OSBPL1A: variants seen among roughly 807,000 people sequenced by gnomAD.
The protein encoded by OSBPL1A is oxysterol binding protein like 1A, also known as oxysterol-binding protein-related protein 1.
In OSBPL1A, 80 loss-of-function variants were observed where a neutral mutation model predicts 137.1. That is an observed-to-expected ratio of 0.58 (90% CI 0.49 to 0.70). OSBPL1A has a LOEUF of 0.70. OSBPL1A is among the 30% of genes least tolerant of loss of function. The pLI is 0.00. For synonymous variants in OSBPL1A, 365 were observed against 389.7 expected (o/e 0.94, Z 0.75); for missense variants, 970 against 1,129.4 (o/e 0.86, Z 2.02).
chr18:24,217,732 T>G lies in OSBPL1A; in HGVS notation c.1601+7310A>C, dbSNP rs536014477. Among the ~76,000 whole-genome samples, 6 of 152,294 alleles carry G rather than the reference T, an allele frequency of 3.9e-5. 1 individual carries two copies. Among genetic ancestry groups the G allele is most frequent in the African/African-American group, 7.2e-5 (3 of 41,562 alleles). On this transcript the variant is annotated intron_variant, in intron 17 of 27. Coordinates refer to ENST00000319481, the MANE Select transcript of OSBPL1A (RefSeq NM_080597.4). Reference sequence around the variant, plus strand: ...ATGGATGTGTCAGATTGTCAATGACTAAACCCAAGAATCAATCTCACCATT... The same window carrying G: ...ATGGATGTGTCAGATTGTCAATGACGAAACCCAAGAATCAATCTCACCATT...
At chr18:24,189,373 C>G (rs1479128029) in intron 18 of OSBPL1A, among the ~76,000 whole-genome samples, 2 of 152,206 alleles carry the variant, frequency 1.3e-5, no homozygotes, top group African/African-American at 4.8e-5. Context: ...TGTGTCTGCT[C>G]TGTTGCCCAG....
chr18:24,318,766 G>A lies in OSBPL1A; in HGVS notation c.669C>T (p.His223=), dbSNP rs368886930. ...LDLAQGAEMK[H]ILVGNKVIYK... is the part of the protein sequence containing the mutation. ...TCTGTACCTTATTACCAACAAGAAT[G>A]TGTTTCATTTCAGCACCCTGGGCAA... The change falls in exon 8 of 28, where the codon CAC becomes CAT. Residue 223 remains histidine, a synonymous_variant. Coordinates refer to ENST00000319481, the MANE Select transcript of OSBPL1A (RefSeq NM_080597.4). The A allele has an allele frequency of 9.4e-5, 151 of 1,613,030 alleles. No homozygotes were observed. Among genetic ancestry groups the A allele is most frequent in the Non-Finnish European group, 1.2e-4 (140 of 1,179,812 alleles).
At position 24,333,072 on chromosome 18, in the gene OSBPL1A, A is replaced by G. The variant is rs34907319; in HGVS notation, c.495T>C (p.Asn165=). Residue 165 remains asparagine, a synonymous_variant, in exon 7 of 28, where the codon AAT becomes AAC. Transcript: ENST00000319481. Reference sequence around the variant, plus strand: ...GATCCGAACAGTTAACATCAGGAGGATTGGGCCTGTTGAGCTAACAATTAA... The same window carrying G: ...GATCCGAACAGTTAACATCAGGAGGGTTGGGCCTGTTGAGCTAACAATTAA... The part of the protein sequence containing the change: ...TELTALLNRP[N]PPDVNCSDQL... 289 of 1,613,836 alleles carry G rather than the reference A, an allele frequency of 1.8e-4. 4 individuals carry two copies. In the South Asian group the frequency reaches 3.0e-3, roughly 17 times the overall value.
At chr18:24,338,718 C>CTGTT (rs2091223625) in intron 5 of OSBPL1A, among the ~76,000 whole-genome samples, 6 of 152,172 alleles carry the variant, frequency 3.9e-5, no homozygotes, top group African/African-American at 1.4e-4. Context: ...GGTTTCTTTT[C>CTGTT]TGTTTGTTTT....
At chr18:24,250,455 C>T (rs1194135682) in intron 15 of OSBPL1A, among the ~76,000 whole-genome samples, 4 of 152,152 alleles carry the variant, frequency 2.6e-5, no homozygotes, top group East Asian at 1.9e-4. Flanking sequence ...GGATTACAGG[C>T]GTGAGCCACT....
At position 24,385,112 on chromosome 18, in the gene OSBPL1A, A is replaced by G. The variant is rs367781034; in HGVS notation, c.-2-7577T>C. On this transcript the variant is annotated intron_variant, in intron 1 of 27. Coordinates refer to ENST00000319481, the MANE Select transcript of OSBPL1A (RefSeq NM_080597.4). Reference sequence around the variant, plus strand: ...TGGGACTACAGGCGCCCGCCACCACACCCGGCTAATTTTTTGTATTTTTAG... The same window carrying G: ...TGGGACTACAGGCGCCCGCCACCACGCCCGGCTAATTTTTTGTATTTTTAG... 9.2e-5 allele frequency among the ~76,000 whole-genome samples: 14 copies of G among 151,642 alleles called. No individual in the cohort carries two copies. The East Asian group carries it at 9.9e-4, about 11-fold the overall frequency.
intron 13 of OSBPL1A, among the ~76,000 whole-genome samples, chr18:24,308,465 C>G (rs908805485): frequency 6.6e-6 from 1 of 152,030 alleles, no homozygotes; most frequent in Non-Finnish European, 1.5e-5. Flanking sequence ...AGCAATCCAC[C>G]CACCTCAGCC....
At chr18:24,168,461 G>A (rs1247075410) in intron 24 of OSBPL1A, among the ~76,000 whole-genome samples, 1 of 152,208 alleles carries the variant, frequency 6.6e-6, no homozygotes, top group Non-Finnish European at 1.5e-5. Context: ...GAAATACAGG[G>A]AGCCAGCATT....
chr18:24,349,728 A>T (rs2091405323), intron 4 of OSBPL1A, among the ~76,000 whole-genome samples: 1 of 103,820 alleles, frequency 9.6e-6, no homozygotes, highest in East Asian at 5.6e-4. Flanking sequence ...AAAAGAAAAA[A>T]GAAAAAAAAA....
intron 15 of OSBPL1A, among the ~76,000 whole-genome samples, chr18:24,268,335 G>C (rs183549150): frequency 2.6e-5 from 4 of 152,008 alleles, no homozygotes; most frequent in Non-Finnish European, 5.9e-5. Flanking sequence ...GCTGAGGCTG[G>C]TCTCAAATTC....
Position 24,303,584 on chromosome 18 carries a change from G to A in OSBPL1A, c.1174+53C>T. The A allele has an allele frequency of 8.6e-6, 12 of 1,400,830 alleles. No homozygotes were observed. The South Asian group carries it at 1.1e-4, about 13-fold the overall frequency. 86.8% of individuals were successfully genotyped at this position (1,400,830 alleles called of 1,614,324 possible). ...ATGAAGTCAAACAAAACTACAACAG[G>A]TCAGTATCTATGTGTTAAAGAGTGA... is the stretch of plus-strand genomic sequence containing the variant. On this transcript the variant is annotated intron_variant, in intron 14 of 27. Transcript: ENST00000319481.
intron 17 of OSBPL1A, among the ~76,000 whole-genome samples, chr18:24,220,308 G>GT (rs2087847721): frequency 6.6e-6 from 1 of 152,208 alleles, no homozygotes; most frequent in Non-Finnish European, 1.5e-5. Context: ...TTGGTCCCTA[G>GT]TTCTCTTTTC....
chr18:24,181,472 T>G (rs964419345), intron 18 of OSBPL1A, among the ~76,000 whole-genome samples, 193 bp from the exon 19 acceptor site: 3 of 152,144 alleles, frequency 2.0e-5, no homozygotes, highest in African/African-American at 7.2e-5. Flanking sequence ...TTCTAGGCCT[T>G]GAAGGAGGAA....
chr18:24,380,283 C>T (rs1906487055), intron 1 of OSBPL1A, among the ~76,000 whole-genome samples: 1 of 152,216 alleles, frequency 6.6e-6, no homozygotes, highest in South Asian at 2.1e-4. Context: ...AAGAGGAAGA[C>T]ATTAGCAAAG....
At chr18:24,345,536 A>G (rs2091333056) in intron 4 of OSBPL1A, among the ~76,000 whole-genome samples, 1 of 152,170 alleles carries the variant, frequency 6.6e-6, no homozygotes, top group Non-Finnish European at 1.5e-5. Flanking sequence ...AAATAAAAAA[A>G]TTAGCCAGGC....
intron 17 of OSBPL1A, among the ~76,000 whole-genome samples, chr18:24,215,166 T>G (rs562633000): frequency 6.6e-6 from 1 of 152,332 alleles, no homozygotes; most frequent in African/African-American, 2.4e-5. Flanking sequence ...GTAAAATACC[T>G]GTCCTGCAAA....
At chr18:24,242,150 G>A (rs1020120979) in intron 15 of OSBPL1A, among the ~76,000 whole-genome samples, 1 of 151,826 alleles carries the variant, frequency 6.6e-6, no homozygotes, top group Admixed American at 6.6e-5. Flanking sequence ...AGGAGAGGGA[G>A]AGCATTAGGA....
In OSBPL1A at chr18:24,368,615, G is replaced by A. The variant is rs142710002; in HGVS notation, c.122-243C>T. On this transcript the variant is annotated intron_variant, in intron 2 of 27. Transcript: ENST00000319481. ...CTAAAGGGATAGAGGGAGACAGGACGGGGGTTACATTCGAGCTAGATGATC... is the reference window on the plus strand; with the variant it reads ...CTAAAGGGATAGAGGGAGACAGGACAGGGGTTACATTCGAGCTAGATGATC... The A allele has an allele frequency of 5.5e-3, 2,005 of 366,312 alleles. 25 individuals are homozygous for A. The highest frequency in any genetic ancestry group is 0.021 in the African/African-American group (1,040 of 49,338). 22.7% of individuals were successfully genotyped at this position (366,312 alleles called of 1,614,324 possible).
At chr18:24,197,330 G>C (rs1476416640) in intron 17 of OSBPL1A, among the ~76,000 whole-genome samples, 3 of 152,136 alleles carry the variant, frequency 2.0e-5, no homozygotes, top group Non-Finnish European at 4.4e-5. Context: ...CTGGGCAACA[G>C]AGCGAGATTC....
Sources: gnomAD v4.1 joint callset for allele counts (sites outside exome capture counted in the v4.1 genomes callset) on GRCh38, gnomAD v4.1.1 for gene constraint, MANE v1.5 for transcripts, NCBI Gene and HGNC (gene_info 2026-07-23, HGNC 2026-07-21) for gene names.